Variants in C19orf38 observed in about 807,000 individuals in gnomAD.
The protein encoded by C19orf38 is protein HIDE1.
In C19orf38, 14 loss-of-function variants were observed where a neutral mutation model predicts 26.6. The observed-to-expected ratio is 0.53, with a 90% CI of 0.35 to 0.82. The LOEUF (loss-of-function observed/expected upper bound fraction) is 0.82. Among genes scored for constraint, C19orf38 ranks in the 40% least tolerant of loss-of-function variants. C19orf38 has a pLI of 0.01. For synonymous variants in C19orf38, 132 were observed against 128.5 expected, an observed-to-expected ratio of 1.03 and a Z score of -0.18; for missense variants, 261 against 299.5, an observed-to-expected ratio of 0.87 and a Z score of 0.95.
upstream of C19orf38, among the ~76,000 whole-genome samples, chr19:10,845,796 G>C (rs943811641): frequency 1.3e-5 from 2 of 150,390 alleles, no homozygotes; most frequent in Non-Finnish European, 3.0e-5. Context: ...GGAGAATGGC[G>C]TGAACCTGGG....
At chr19:10,848,283 A>G (rs2146248398), upstream of C19orf38, 1 of 531,190 alleles carries the variant, frequency 1.9e-6, no homozygotes, top group South Asian at 2.8e-5. Context: ...AACCGCAACC[A>G]GAGAGGTGCG....
chr19:10,841,725 C>T, intron 1 of C19orf38: 1 of 642,386 alleles, frequency 1.6e-6, no homozygotes, highest in Non-Finnish European at 2.8e-6. Context: ...GTAATCCCAG[C>T]ATTTTGGGCG....
intron 6 of C19orf38, among the ~76,000 whole-genome samples, chr19:10,865,987 T>A (rs911103435): frequency 7.9e-5 from 12 of 151,668 alleles, no homozygotes; most frequent in African/African-American, 2.2e-4. Context: ...TAGTTTATTT[T>A]TATATATATA....
In C19orf38 at chr19:10,850,421, C is replaced by A. The variant is rs771266093; in HGVS notation, c.194C>A (p.Thr65Lys). Reference protein sequence around the residue: ...GQVVQLLQAPTDQRGVTFNLS... With the variant: ...GQVVQLLQAPKDQRGVTFNLS... ...GTGGTCCAGCTCCTGCAGGCCCCCA[C>A]GGACCAGCGCGGGGTGACATTTAAC... The change falls in exon 2 of 7, where the codon ACG (threonine) becomes AAG (lysine). Residue 65 changes from threonine to lysine, a missense_variant. Transcript: ENST00000397820. The A allele has an allele frequency of 1.3e-6, 2 of 1,550,696 alleles. No homozygotes were observed. Among genetic ancestry groups the A allele is most frequent in the African/African-American group, 1.4e-5 (1 of 73,022 alleles).
chr19:10,867,450 C>CAA lies in C19orf38; in HGVS notation c.544-1751_544-1750dup, dbSNP rs536371317. Among the ~76,000 whole-genome samples the CAA allele has an allele frequency of 3.4e-3, 313 of 90,814 alleles. 1 individual carries two copies. Among genetic ancestry groups the CAA allele is most frequent in the African/African-American group, 0.01 (242 of 24,118 alleles). The allele number at this position is 90,814 out of a possible 152,430, so 59.6% of individuals were successfully genotyped here. A position where few individuals can be genotyped will look rare whatever the true frequency, so the allele number is the denominator to read the frequency against. ...AGAAACCCCATCTCTACTAAAACTA[C>CAA]AAAAAAAAAAAAAAAAAATTAGCCG... is the stretch of plus-strand genomic sequence containing the variant. On this transcript the variant is annotated intron_variant, in intron 6 of 6. Coordinates refer to ENST00000397820, the MANE Select transcript of C19orf38 (RefSeq NM_001136482.3).
At chr19:10,867,436 C>T (rs2073762642) in intron 6 of C19orf38, among the ~76,000 whole-genome samples, 1 of 143,468 alleles carries the variant, frequency 7.0e-6, no homozygotes, top group Non-Finnish European at 1.5e-5. Flanking sequence ...GAAACCCCAT[C>T]TCTACTAAAA....
At chr19:10,859,382 ATATTT>A (rs1426652420) in intron 4 of C19orf38, among the ~76,000 whole-genome samples, 126 of 26,084 alleles carry the variant, frequency 4.8e-3, no homozygotes, top group East Asian at 0.041. Flanking sequence ...ATATATATAT[ATATTT>A]TTTTTTTTTT....
intron 3 of C19orf38, among the ~76,000 whole-genome samples, chr19:10,857,294 A>G (rs12978549): frequency 0.28 from 37,770 of 134,972 alleles, 5,649 homozygotes; most frequent in East Asian, 0.53. Context: ...GTGTGTATGT[A>G]TATATATATG....
At position 10,850,352 on chromosome 19, in the gene C19orf38, G is replaced by A; in HGVS notation, c.125G>A (p.Gly42Glu). 1 of 1,551,188 alleles carries A rather than the reference G, an allele frequency of 6.4e-7. No individual in the cohort carries two copies. The highest frequency in any genetic ancestry group is 8.7e-7 in the Non-Finnish European group (1 of 1,146,846). Residue 42 changes from glycine to glutamate, a missense_variant, in exon 2 of 7, where the codon GGG (glycine) becomes GAG (glutamate). Coordinates refer to ENST00000397820, the MANE Select transcript of C19orf38 (RefSeq NM_001136482.3). ...ATCCACATCGCATGCATGGCCCCTG[G>A]GAACTTCCCGGGGGCGAATTTCACA... The part of the protein sequence containing the change: ...DPIHIACMAP[G>E]NFPGANFTLY...
chr19:10,840,095 C>T (rs1044692041), intron 1 of C19orf38, among the ~76,000 whole-genome samples: 3 of 152,168 alleles, frequency 2.0e-5, no homozygotes, highest in South Asian at 2.1e-4. Flanking sequence ...GTGAGTACAG[C>T]TGCTGTTAAC....
At chr19:10,864,419 T>C (rs1392958468) in intron 6 of C19orf38, among the ~76,000 whole-genome samples, 1 of 152,014 alleles carries the variant, frequency 6.6e-6, no homozygotes, top group Non-Finnish European at 1.5e-5. Context: ...TTGGGGATGA[T>C]TGATCCAGGC....
intron 5 of C19orf38, 75 bp downstream of exon 5, chr19:10,860,033 C>A: frequency 7.1e-7 from 1 of 1,413,550 alleles, no homozygotes; most frequent in Non-Finnish European, 9.8e-7. Flanking sequence ...TCATCACACA[C>A]CAATCAAATT....
intron 3 of C19orf38, among the ~76,000 whole-genome samples, chr19:10,857,360 A>ATTTT (rs1256020212): frequency 3.3e-4 from 27 of 82,034 alleles, no homozygotes; most frequent in African/African-American, 2.5e-3. Context: ...ATATATATAT[A>ATTTT]TATATATTTT....
At chr19:10,856,411 G>C in intron 3 of C19orf38, 54 bp downstream of exon 3, 3 of 1,409,864 alleles carry the variant, frequency 2.1e-6, no homozygotes, top group Non-Finnish European at 2.9e-6. Flanking sequence ...CTTCTGGAAC[G>C]TGAAGATGTG....
chr19:10,861,920 G>C (rs1214904029), intron 5 of C19orf38, among the ~76,000 whole-genome samples: 2 of 150,092 alleles, frequency 1.3e-5, no homozygotes, highest in Non-Finnish European at 3.0e-5. Flanking sequence ...TTGTTTTGAG[G>C]CGGAGTCTCA....
chr19:10,851,943 C>T (rs946274051), intron 2 of C19orf38, among the ~76,000 whole-genome samples: 2 of 148,572 alleles, frequency 1.3e-5, no homozygotes, highest in Non-Finnish European at 3.0e-5. Context: ...AGTCCGCAGT[C>T]CGGCCTGGGC....
At chr19:10,868,591 G>A (rs1426240351) in intron 6 of C19orf38, among the ~76,000 whole-genome samples, 4 of 152,162 alleles carry the variant, frequency 2.6e-5, no homozygotes, top group African/African-American at 9.7e-5. Flanking sequence ...TCAGCTCACT[G>A]CAACCTTCAC....
chr19:10,856,260 T>G lies in C19orf38; in HGVS notation c.341-5T>G. ...TGCCCACTCTCTTTTCTGATTTTCC[T>G]CCAGTGCCCACTTGGATCTTGGTGC... On this transcript the variant is annotated splice_polypyrimidine_tract_variant and splice_region_variant and intron_variant, in intron 2 of 6. Coordinates refer to ENST00000397820, the MANE Select transcript of C19orf38 (RefSeq NM_001136482.3). 6.5e-7 allele frequency: 1 copy of G among 1,549,992 alleles called. No individual in the cohort carries two copies. The highest frequency in any genetic ancestry group is 2.4e-5 in the East Asian group (1 of 40,858).
intron 6 of C19orf38, among the ~76,000 whole-genome samples, chr19:10,867,079 C>T (rs1261003147): frequency 1.3e-5 from 2 of 151,788 alleles, no homozygotes; most frequent in African/African-American, 2.4e-5. Context: ...CATGAGCCAC[C>T]GTGCCCGGCC....
Sources: allele counts gnomAD v4.1 joint callset (sites outside exome capture counted in the v4.1 genomes callset), GRCh38; gene constraint gnomAD v4.1.1; transcripts MANE v1.5; gene names NCBI Gene and HGNC (gene_info 2026-07-23, HGNC 2026-07-21).